OASL: variants seen among roughly 807,000 people sequenced by gnomAD.
OASL encodes the protein 2'-5'-oligoadenylate synthetase like, also known as 2'-5'-oligoadenylate synthase-like protein.
A neutral mutation model predicts 35.3 loss-of-function variants in OASL; 28 were observed. The observed-to-expected ratio is 0.79, with a 90% CI of 0.59 to 1.09. The LOEUF (loss-of-function observed/expected upper bound fraction) is 1.09, where lower values mean the gene tolerates loss of function less well. Ranked by LOEUF, OASL falls within the 50% of genes least tolerant of loss-of-function variation. The probability of loss-of-function intolerance (pLI) is 0.00; values close to 1 mark genes in which losing one functional copy is unlikely to be tolerated. For missense variants in OASL, 620 were observed against 635.2 expected (o/e 0.98, Z 0.26); for synonymous variants, 252 against 254.6 (o/e 0.99, Z 0.10).
chr12:121,035,822 G>A (rs1361167236), intron 1 of OASL, among the ~76,000 whole-genome samples: 1 of 152,176 alleles, frequency 6.6e-6, no homozygotes, highest in African/African-American at 2.4e-5. Flanking sequence ...CACCCTGTGT[G>A]TGAATGAAGG....
intron 3 of OASL, among the ~76,000 whole-genome samples, chr12:121,028,361 T>C (rs1045573928): frequency 1.3e-5 from 2 of 152,094 alleles, no homozygotes; most frequent in Non-Finnish European, 2.9e-5. Context: ...CATAAACCTT[T>C]CCCCCTTGCA....
intron 1 of OASL, among the ~76,000 whole-genome samples, chr12:121,035,182 G>A (rs1869903020): frequency 6.6e-6 from 1 of 151,954 alleles, no homozygotes; most frequent in Admixed American, 6.6e-5. Context: ...ACATGAGCAC[G>A]CCCTGTGTCT....
chr12:121,025,586 G>A (rs1869445176), intron 4 of OASL, among the ~76,000 whole-genome samples: 1 of 151,744 alleles, frequency 6.6e-6, no homozygotes, highest in Admixed American at 6.6e-5. Context: ...CCAACATGGT[G>A]AAACCGTGTC....
intron 3 of OASL, among the ~76,000 whole-genome samples, chr12:121,030,789 C>G (rs1869694715): frequency 6.6e-6 from 1 of 152,090 alleles, no homozygotes; most frequent in Non-Finnish European, 1.5e-5. Flanking sequence ...CGAATGGCCA[C>G]AGTACCCGGC....
chr12:121,037,075 A>G (rs1869983432), intron 1 of OASL, among the ~76,000 whole-genome samples: 1 of 152,134 alleles, frequency 6.6e-6, no homozygotes, highest in Non-Finnish European at 1.5e-5. Flanking sequence ...GGATAGGTGC[A>G]AAGAACGGAT....
In OASL at chr12:121,027,831, TG is replaced by T. The variant is rs1325508919; in HGVS notation, c.658-15del. The T allele has an allele frequency of 6.2e-7, 1 of 1,607,636 alleles. No homozygotes were observed. Among genetic ancestry groups the T allele is most frequent in the South Asian group, 1.1e-5 (1 of 90,890 alleles). On this transcript the variant is annotated splice_polypyrimidine_tract_variant and intron_variant, in intron 3 of 5. Transcript: ENST00000257570. The stretch of plus-strand genomic sequence containing the variant: ...GGCTTTCACATACTGTTGAAAGAGA[TG>T]GGAAGACAGAGAGAGAGAGACCCTA...
At chr12:121,019,040 A>G (rs1006881548), downstream of OASL, 2 of 152,576 alleles carry the variant, frequency 1.3e-5, no homozygotes, top group African/African-American at 4.8e-5. Context: ...GCTGTAAGAA[A>G]TAAATGGTTA....
At chr12:121,028,863 G>A (rs1369776458) in intron 3 of OASL, among the ~76,000 whole-genome samples, 3 of 151,940 alleles carry the variant, frequency 2.0e-5, no homozygotes, top group African/African-American at 7.3e-5. Flanking sequence ...CCAGGAGTTC[G>A]AGACCAGCTT....
intron 5 of OASL, among the ~76,000 whole-genome samples, chr12:121,022,234 A>G (rs1288740670): frequency 2.0e-5 from 3 of 151,920 alleles, no homozygotes; most frequent in Admixed American, 1.3e-4. Context: ...CTACAGGCAC[A>G]TGCCACCACA....
chr12:121,021,165 G>GGCA (rs1565903269), intron 5 of OASL, 107 bp from the exon 6 acceptor site: 6 of 1,199,630 alleles, frequency 5.0e-6, no homozygotes, highest in Non-Finnish European at 6.8e-6. Context: ...CAGCAGCAGC[G>GGCA]GCAGCAGCAA....
At chr12:121,026,705 G>A (rs1323031526) in intron 4 of OASL, among the ~76,000 whole-genome samples, 1 of 152,112 alleles carries the variant, frequency 6.6e-6, no homozygotes, top group Non-Finnish European at 1.5e-5. Context: ...ACAAAAATCA[G>A]CTGGGTGTGG....
intron 3 of OASL, among the ~76,000 whole-genome samples, chr12:121,030,902 A>G (rs1195001557): frequency 3.4e-4 from 52 of 151,978 alleles, no homozygotes; most frequent in Non-Finnish European, 5.7e-4. Context: ...TTGGGAGGCC[A>G]AGGTGGGAGG....
intron 5 of OASL, among the ~76,000 whole-genome samples, chr12:121,023,558 G>C (rs2135902752): frequency 6.6e-6 from 1 of 152,156 alleles, no homozygotes; most frequent in Non-Finnish European, 1.5e-5. Context: ...CCAAAGTGCT[G>C]GGATTACAGG....
intron 5 of OASL, among the ~76,000 whole-genome samples, chr12:121,022,579 G>A (rs1447328530): frequency 6.6e-6 from 1 of 152,164 alleles, no homozygotes; most frequent in African/African-American, 2.4e-5. Context: ...CCCATGGGTG[G>A]GCCTCCTCAT....
chr12:121,028,980 G>A (rs981926892), intron 3 of OASL, among the ~76,000 whole-genome samples: 7 of 149,374 alleles, frequency 4.7e-5, no homozygotes, highest in Non-Finnish European at 8.9e-5. Flanking sequence ...CGGGAGAATC[G>A]CTTGAACCCA....
At chr12:121,026,103 A>G (rs1869473912) in intron 4 of OASL, among the ~76,000 whole-genome samples, 1 of 152,130 alleles carries the variant, frequency 6.6e-6, no homozygotes, top group Admixed American at 6.6e-5. Context: ...GATCCCTTAT[A>G]CCTGGGAGGC....
intron 1 of OASL, among the ~76,000 whole-genome samples, chr12:121,035,254 T>C (rs1456998091): frequency 2.0e-5 from 3 of 152,014 alleles, no homozygotes; most frequent in Non-Finnish European, 4.4e-5. Context: ...CAGCCAGGCA[T>C]GATGGCTCAT....
rs145695908 is a variant in OASL at position 121,032,644 on chromosome 12, C to T, written c.481+817G>A. 3.9e-3 allele frequency among the ~76,000 whole-genome samples: 595 copies of T among 152,300 alleles called. 2 individuals are homozygous for T. Among genetic ancestry groups the T allele is most frequent in the Middle Eastern group, 0.017 (5 of 294 alleles). Reference sequence around the variant, plus strand: ...CACGTTGTATTGAATTCTTGCCTTTCCCATCTCAGTTCCATACTTCCCTAC... The same window carrying T: ...CACGTTGTATTGAATTCTTGCCTTTTCCATCTCAGTTCCATACTTCCCTAC... On this transcript the variant is annotated intron_variant, in intron 2 of 5. Coordinates refer to ENST00000257570, the Ensembl canonical transcript of OASL.
downstream of OASL, among the ~76,000 whole-genome samples, chr12:121,017,974 T>C (rs958028990): frequency 2.0e-5 from 3 of 152,222 alleles, no homozygotes; most frequent in Non-Finnish European, 4.4e-5. Flanking sequence ...TAGGCAAATA[T>C]TCTTATGCAA....
Sources: gnomAD v4.1 joint callset for allele counts (sites outside exome capture counted in the v4.1 genomes callset) on GRCh38, gnomAD v4.1.1 for gene constraint, MANE v1.5 for transcripts, NCBI Gene and HGNC (gene_info 2026-07-23, HGNC 2026-07-21) for gene names.